Variants in SEC62 observed in about 807,000 individuals in gnomAD.
SEC62 encodes SEC62 preprotein translocation factor.
Under a neutral mutation model 47.5 loss-of-function variants are expected in SEC62, and 10 were observed. The observed-to-expected ratio is 0.21, with a 90% CI of 0.13 to 0.36. The LOEUF is 0.36. Among genes scored for constraint, SEC62 ranks in the 10% least tolerant of loss-of-function variants. SEC62 has a pLI of 1.00. For missense variants in SEC62, 327 were observed against 464.1 expected, an observed-to-expected ratio of 0.70 and a Z score of 2.71; for synonymous variants, 136 against 150.5, an observed-to-expected ratio of 0.90 and a Z score of 0.71.
chr3:169,969,132 C>T (rs1016731547), intron 1 of SEC62, among the ~76,000 whole-genome samples: 8 of 152,072 alleles, frequency 5.3e-5, no homozygotes, highest in African/African-American at 1.9e-4. Flanking sequence ...GAGTTTCTGT[C>T]ATTTGTTGCT....
intron 7 of SEC62, among the ~76,000 whole-genome samples, chr3:169,991,297 C>G (rs951039770): frequency 6.6e-6 from 1 of 152,136 alleles, no homozygotes; most frequent in African/African-American, 2.4e-5. Flanking sequence ...TGACTCACAA[C>G]TGCGATCCCA....
rs185073118 is a variant in SEC62, at chr3:169,982,989, A to C, written c.456+78A>C. 20 of 1,526,762 alleles carry C rather than the reference A, an allele frequency of 1.3e-5. No individual in the cohort carries two copies. In the African/African-American group the frequency reaches 2.6e-4, roughly 20 times the overall value. 94.6% of individuals were successfully genotyped at this position (1,526,762 alleles called of 1,614,324 possible). Reference sequence around the variant, plus strand: ...ACACTACTGGCCTATGAGCACATTTAAGTATTATGCAACACCTACCTGAGA... The same window carrying C: ...ACACTACTGGCCTATGAGCACATTTCAGTATTATGCAACACCTACCTGAGA... On this transcript the variant is annotated intron_variant, in intron 4 of 7. Coordinates refer to ENST00000337002, the MANE Select transcript of SEC62 (RefSeq NM_003262.4).
At chr3:169,991,303 T>C (rs1209014906) in intron 7 of SEC62, among the ~76,000 whole-genome samples, 1 of 152,116 alleles carries the variant, frequency 6.6e-6, no homozygotes. Flanking sequence ...ACAACTGCGA[T>C]CCCAACTACT....
chr3:169,975,774 T>C (rs2108281638), intron 2 of SEC62, 58 bp downstream of exon 2: 2 of 1,207,490 alleles, frequency 1.7e-6, no homozygotes, highest in Admixed American at 1.7e-5. Context: ...TTAACCTACA[T>C]TTGGGATATG....
At chr3:169,973,748 G>A (rs1714763047) in intron 1 of SEC62, among the ~76,000 whole-genome samples, 1 of 152,072 alleles carries the variant, frequency 6.6e-6, no homozygotes, top group Non-Finnish European at 1.5e-5. Flanking sequence ...TTTTATAGTA[G>A]CCTTCTTTTG....
intron 1 of SEC62, among the ~76,000 whole-genome samples, chr3:169,968,129 T>C (rs1403442859): frequency 3.3e-5 from 5 of 152,244 alleles, no homozygotes; most frequent in Non-Finnish European, 7.3e-5. Context: ...TTTCTAATTA[T>C]ACTGTTCTTA....
chr3:169,968,637 C>T (rs1314926768), intron 1 of SEC62: 2 of 152,138 alleles, frequency 1.3e-5, no homozygotes, highest in Non-Finnish European at 2.9e-5. Context: ...GTTTGGCACG[C>T]AGCCCCTCCC....
At chr3:169,987,673 A>T (rs1373027197) in intron 6 of SEC62, among the ~76,000 whole-genome samples, 1 of 152,088 alleles carries the variant, frequency 6.6e-6, no homozygotes, top group Non-Finnish European at 1.5e-5. Flanking sequence ...AATTTCTTAT[A>T]ATTCTTTCTT....
At chr3:169,985,653 G>T (rs1715087685) in intron 5 of SEC62, 152 bp from the exon 6 acceptor site, 1 of 504,394 alleles carries the variant, frequency 2.0e-6, no homozygotes, top group Non-Finnish European at 3.4e-6. Flanking sequence ...ACTACTGAAG[G>T]AAAGATCTTT....
intron 1 of SEC62, 68 bp from the exon 2 acceptor site, chr3:169,975,540 A>C: frequency 9.8e-7 from 1 of 1,018,376 alleles, no homozygotes; most frequent in Non-Finnish European, 1.5e-6. Flanking sequence ...ATAGATTTGT[A>C]AATTATTATT....
In SEC62 at chr3:169,992,198, G is replaced by A. The variant is rs1163339329; in HGVS notation, c.731-396G>A. ...ATATCACAAAGTACATAAATCAGAA[G>A]TGTATATCCATGTAAGTGTACACCC... On this transcript the variant is annotated intron_variant, in intron 7 of 7. Coordinates refer to ENST00000337002, the MANE Select transcript of SEC62 (RefSeq NM_003262.4). The surrounding 1 kb of genome is among the most constrained non-coding windows in gnomAD (Gnocchi z 4.0). 6.6e-6 allele frequency among the ~76,000 whole-genome samples: 1 copy of A among 152,140 alleles called. No individual in the cohort carries two copies. The highest frequency in any genetic ancestry group is 2.4e-5 in the African/African-American group (1 of 41,418).
rs1485691001 is a variant in SEC62 at position 169,993,777 on chromosome 3, C to T, written c.*714C>T. 2 of 152,544 alleles carry T rather than the reference C, an allele frequency of 1.3e-5. No homozygotes were observed. Among genetic ancestry groups the T allele is most frequent in the Non-Finnish European group, 1.5e-5 (1 of 68,028 alleles). 9.4% of individuals were successfully genotyped at this position (152,544 alleles called of 1,614,324 possible). On this transcript the variant is annotated 3_prime_UTR_variant, in exon 8 of 8. Transcript: ENST00000337002. Reference sequence around the variant, plus strand: ...CTCCCTCCCCATTTCATTGGCGTAACGTAAAGTGTATTCTGTACATAATTT... The same window carrying T: ...CTCCCTCCCCATTTCATTGGCGTAATGTAAAGTGTATTCTGTACATAATTT...
At chr3:169,967,093 G>A (rs1209198647) in intron 1 of SEC62, among the ~76,000 whole-genome samples, 1 of 152,200 alleles carries the variant, frequency 6.6e-6, no homozygotes, top group East Asian at 1.9e-4. Flanking sequence ...GGGAAGGAAG[G>A]AGGCGCCGCG....
intron 1 of SEC62, 21 bp downstream of exon 1, chr3:169,966,879 G>T: frequency 6.4e-7 from 1 of 1,553,720 alleles, no homozygotes; most frequent in Non-Finnish European, 8.7e-7. Flanking sequence ...CGAGCTCTGG[G>T]CAGGGGGCTT....
chr3:169,982,918 TAATCTA>T lies in SEC62; in HGVS notation c.456+10_456+15del. ...AAAGGAAGAATCCAAAAAGGTGAGTTAATCTAAAATTAAGTAAAAATTTAAAAATCA... is the reference window on the plus strand; with the variant it reads ...AAAGGAAGAATCCAAAAAGGTGAGTTAAATTAAGTAAAAATTTAAAAATCA... On this transcript the variant is annotated splice_region_variant and intron_variant, in intron 4 of 7. Transcript: ENST00000337002. The T allele has an allele frequency of 6.4e-7, 1 of 1,562,508 alleles. No individual in the cohort carries two copies. The highest frequency in any genetic ancestry group is 8.6e-7 in the Non-Finnish European group (1 of 1,165,562).
intron 2 of SEC62, 145 bp downstream of exon 2, chr3:169,975,861 C>A: frequency 2.0e-6 from 1 of 496,990 alleles, no homozygotes; most frequent in Non-Finnish European, 3.7e-6. Context: ...CTGTTCTTTT[C>A]TTTTATGATT....
In SEC62 at chr3:169,996,484, G is replaced by C. The variant is rs1244722540; in HGVS notation, c.*3421G>C. The stretch of plus-strand genomic sequence containing the variant: ...CATTAAATAGTGTGTTAAGTGCTAC[G>C]GCAGCAAATTGCTACATGTGCTGGA... On this transcript the variant is annotated 3_prime_UTR_variant, in exon 8 of 8. Transcript: ENST00000337002. 1.3e-5 allele frequency: 2 copies of C among 152,610 alleles called. No individual in the cohort carries two copies. Among genetic ancestry groups the C allele is most frequent in the East Asian group, 3.8e-4 (2 of 5,196 alleles). 9.5% of individuals were successfully genotyped at this position (152,610 alleles called of 1,614,324 possible).
intron 1 of SEC62, chr3:169,968,594 G>A (rs958196561): frequency 1.3e-5 from 2 of 151,820 alleles, no homozygotes; most frequent in Admixed American, 1.3e-4. Flanking sequence ...AATAATAGGT[G>A]AGTCAACTTA....
rs534526489 is a variant in SEC62 at position 169,994,122 on chromosome 3, A to T, written c.*1059A>T. The stretch of plus-strand genomic sequence containing the variant: ...AGACCAGGAGGCATTGCTGTGAAAG[A>T]TAATTTCCTATTCTAAAATATCAAA... On this transcript the variant is annotated 3_prime_UTR_variant, in exon 8 of 8. Coordinates refer to ENST00000337002, the MANE Select transcript of SEC62 (RefSeq NM_003262.4). The T allele has an allele frequency of 1.3e-5, 2 of 152,704 alleles. No homozygotes were observed. The highest frequency in any genetic ancestry group is 2.9e-5 in the Non-Finnish European group (2 of 68,034). The allele number at this position is 152,704 out of a possible 1,614,324, so 9.5% of individuals were successfully genotyped here.
Sources: gnomAD v4.1 joint callset for allele counts (sites outside exome capture counted in the v4.1 genomes callset) on GRCh38, gnomAD v4.1.1 for gene constraint, Gnocchi (gnomAD v3.1) non-coding constraint, MANE v1.5 for transcripts, NCBI Gene and HGNC (gene_info 2026-07-23, HGNC 2026-07-21) for gene names.